The following FLYWCH1 variants were observed in gnomAD, a reference collection of about 807,000 sequenced individuals.
FLYWCH1 encodes FLYWCH-type zinc finger-containing protein 1.
A neutral mutation model predicts 66.4 loss-of-function variants in FLYWCH1; 75 were observed. The observed-to-expected ratio is 1.13, with a 90% confidence interval of 0.94 to 1.37. The LOEUF (loss-of-function observed/expected upper bound fraction) is 1.37. Among genes scored for constraint, FLYWCH1 ranks in the 40% most tolerant of loss-of-function variants. The pLI, the probability that FLYWCH1 is intolerant of heterozygous loss-of-function variation, is 0.00. For synonymous variants in FLYWCH1, 595 were observed against 429.9 expected, an observed-to-expected ratio of 1.38 and a Z score of -4.75; for missense variants, 1,334 against 1,001.8, an observed-to-expected ratio of 1.33 and a Z score of -4.48.
chr16:2,943,711 G>T (rs556551593), intron 9 of FLYWCH1: 1 of 152,148 alleles, frequency 6.6e-6, no homozygotes, highest in Non-Finnish European at 1.5e-5. Context: ...CGAGGTGGGC[G>T]GATGACCTGA....
intron 4 of FLYWCH1, 101 bp from the exon 5 acceptor site, chr16:2,933,028 TA>T: frequency 9.4e-7 from 1 of 1,062,126 alleles, no homozygotes; most frequent in Non-Finnish European, 1.3e-6. Flanking sequence ...ATTTCAGCCT[TA>T]AAGGAGAAAG....
At chr16:2,942,152 A>C (rs1203490989) in intron 9 of FLYWCH1, among the ~76,000 whole-genome samples, 1 of 152,106 alleles carries the variant, frequency 6.6e-6, no homozygotes, top group African/African-American at 2.4e-5. Context: ...AATACTGAAA[A>C]TACTAAAATC....
At chr16:2,929,503 G>T in intron 2 of FLYWCH1, 110 bp from the exon 3 acceptor site, 8 of 747,256 alleles carry the variant, frequency 1.1e-5, no homozygotes, top group Non-Finnish European at 1.7e-5. Context: ...GGCCAGTCTT[G>T]GCCCCAGCGA....
chr16:2,912,732 C>G (rs905622233), intron 1 of FLYWCH1, among the ~76,000 whole-genome samples: 1 of 152,208 alleles, frequency 6.6e-6, no homozygotes, highest in Admixed American at 6.5e-5. Flanking sequence ...CTCTTCCACC[C>G]CGTTCCAAAA....
chr16:2,919,251 T>C (rs970695381), intron 2 of FLYWCH1, among the ~76,000 whole-genome samples: 2 of 150,966 alleles, frequency 1.3e-5, no homozygotes, highest in Admixed American at 1.3e-4. Context: ...ATTTATTCAT[T>C]TGTTTTAATT....
intron 8 of FLYWCH1, chr16:2,939,787 A>G: frequency 2.4e-6 from 1 of 420,462 alleles, no homozygotes; most frequent in Non-Finnish European, 4.3e-6. Flanking sequence ...CTGGCCTTTC[A>G]TCTTTGATGT....
intron 2 of FLYWCH1, among the ~76,000 whole-genome samples, chr16:2,919,549 C>T (rs1334739016): frequency 6.6e-6 from 1 of 152,068 alleles, no homozygotes; most frequent in Non-Finnish European, 1.5e-5. Context: ...CAGGCGTGAG[C>T]CACCGCGTCT....
rs777293183 is a variant in FLYWCH1, at chr16:2,938,313, G to A, written c.1907G>A (p.Arg636Gln). The change falls in exon 8 of 10, where the codon CGG (arginine) becomes CAG (glutamine). Residue 636 changes from arginine (R) to glutamine (Q), a missense_variant. Transcript: ENST00000253928. ...KVYWMCRDQA[R>Q]LGCRSRAITQ... ...TACTGGATGTGCCGGGACCAGGCTC[G>A]GCTGGGCTGCCGCAGCCGCGCCATA... 2.5e-5 allele frequency: 40 copies of A among 1,608,884 alleles called. No individual in the cohort carries two copies. The highest frequency in any genetic ancestry group is 4.5e-5 in the East Asian group (2 of 44,768).
chr16:2,929,743 C>T lies in FLYWCH1; in HGVS notation c.58C>T (p.Pro20Ser). ...CGAGAGTGTGAAGGCCGGCCAGGAG[C>T]CATCCCCCAAGCCAGGCACGGACGT... ...EGESVKAGQEPSPKPGTDVIP... is the reference protein window; with the variant it reads ...EGESVKAGQESSPKPGTDVIP... The change falls in exon 3 of 10, where the codon CCA becomes TCA. Residue 20 changes from proline (P) to serine (S), a missense_variant. Physicochemically the swap from Pro to Ser is moderately conservative, Grantham distance 74. Transcript: ENST00000253928. 2 of 1,613,812 alleles carry T rather than the reference C, an allele frequency of 1.2e-6. No individual in the cohort carries two copies. Among genetic ancestry groups the T allele is most frequent in the Non-Finnish European group, 1.7e-6 (2 of 1,179,864 alleles).
At chr16:2,934,812 A>G (rs2070930359) in intron 6 of FLYWCH1, 2 of 340,382 alleles carry the variant, frequency 5.9e-6, no homozygotes, top group African/African-American at 2.2e-5. Flanking sequence ...TAACTAAGCA[A>G]TTGTTTCTTA....
chr16:2,920,500 A>T (rs1468214), intron 2 of FLYWCH1, among the ~76,000 whole-genome samples: 1 of 150,070 alleles, frequency 6.7e-6, no homozygotes, highest in Admixed American at 6.6e-5. Flanking sequence ...GGTGGCCGTG[A>T]GACTCTGTCT....
chr16:2,924,905 G>T (rs1206356783), intron 2 of FLYWCH1, among the ~76,000 whole-genome samples: 2 of 152,228 alleles, frequency 1.3e-5, no homozygotes, highest in African/African-American at 4.8e-5. Context: ...ACAGAAGTGG[G>T]AAGTGGTCGC....
At chr16:2,915,332 T>A (rs911318572) in intron 2 of FLYWCH1, 11 of 152,034 alleles carry the variant, frequency 7.2e-5, no homozygotes, top group Admixed American at 5.2e-4. Flanking sequence ...GAGACAGGGT[T>A]TTACCGTGTT....
At chr16:2,920,893 G>C (rs1308111612) in intron 2 of FLYWCH1, among the ~76,000 whole-genome samples, 2 of 138,832 alleles carry the variant, frequency 1.4e-5, no homozygotes, top group East Asian at 2.2e-4. Flanking sequence ...CCAGGCTGGA[G>C]TGCAGTGGCG....
chr16:2,939,165 G>T (rs1213039748), intron 8 of FLYWCH1, among the ~76,000 whole-genome samples: 1 of 152,152 alleles, frequency 6.6e-6, no homozygotes, highest in African/African-American at 2.4e-5. Context: ...ATCCAAGTTG[G>T]CCAGGCACAG....
chr16:2,934,710 C>G (rs763397653), intron 6 of FLYWCH1: 11 of 454,192 alleles, frequency 2.4e-5, no homozygotes, highest in South Asian at 1.4e-4. Context: ...GACTTGAGAG[C>G]TGTGATTGTC....
chr16:2,929,533 T>G, intron 2 of FLYWCH1, 80 bp from the exon 3 acceptor site: 1 of 1,011,294 alleles, frequency 9.9e-7, no homozygotes, highest in Non-Finnish European at 1.4e-6. Context: ...CAGCCCCATC[T>G]GCCCCACCTC....
At chr16:2,924,934 C>T (rs952131955) in intron 2 of FLYWCH1, among the ~76,000 whole-genome samples, 1 of 152,242 alleles carries the variant, frequency 6.6e-6, no homozygotes, top group East Asian at 1.9e-4. Flanking sequence ...TGCGCTCTCT[C>T]CTGTCACTTC....
intron 2 of FLYWCH1, among the ~76,000 whole-genome samples, chr16:2,916,981 A>T (rs1233958733): frequency 4.5e-4 from 3 of 6,736 alleles, no homozygotes; most frequent in Non-Finnish European, 1.0e-3. Flanking sequence ...CATCTCTAGT[A>T]AAAAAAAAAA....
Sources: allele counts gnomAD v4.1 joint callset (sites outside exome capture counted in the v4.1 genomes callset), GRCh38; gene constraint gnomAD v4.1.1; transcripts MANE v1.5; gene names NCBI Gene and HGNC (gene_info 2026-07-23, HGNC 2026-07-21).